MBD5: variants seen among roughly 807,000 people sequenced by gnomAD.
The protein encoded by MBD5 is methyl-CpG-binding domain protein 5.
In MBD5, 13 loss-of-function variants were observed where a neutral mutation model predicts 117.3. The observed-to-expected ratio is 0.11, with a 90% CI of 0.07 to 0.18. The LOEUF (loss-of-function observed/expected upper bound fraction) is 0.18, where lower values mean the gene tolerates loss of function less well. MBD5 is among the 10% of genes least tolerant of loss of function. The pLI is 1.00. For synonymous variants in MBD5, 727 were observed against 766.4 expected (o/e 0.95, Z 0.85); for missense variants, 1,879 against 2,093.8 (o/e 0.90, Z 2.00).
At chr2:148,315,079 A>G (rs1332772321) in intron 3 of MBD5, among the ~76,000 whole-genome samples, 1 of 152,188 alleles carries the variant, frequency 6.6e-6, no homozygotes, top group African/African-American at 2.4e-5. Context: ...GCCTAGTTAA[A>G]AAGAGGACTC....
At chr2:148,398,097 A>G (rs1234768926) in intron 4 of MBD5, among the ~76,000 whole-genome samples, 10 of 152,220 alleles carry the variant, frequency 6.6e-5, no homozygotes, top group African/African-American at 1.9e-4. Flanking sequence ...TATTGTGAAT[A>G]GTGCTGCAAT....
intron 4 of MBD5, among the ~76,000 whole-genome samples, chr2:148,355,796 G>T (rs1360819964): frequency 1.3e-5 from 2 of 152,194 alleles, no homozygotes; most frequent in Non-Finnish European, 2.9e-5. Context: ...ATTTAAAGTA[G>T]TTTTTTCTAA....
At chr2:148,434,383 T>A (rs1318903139) in intron 4 of MBD5, among the ~76,000 whole-genome samples, 1 of 152,144 alleles carries the variant, frequency 6.6e-6, no homozygotes, top group Non-Finnish European at 1.5e-5. Context: ...TCAGTTCAGC[T>A]CTGATTTTTG....
At chr2:148,137,131 A>T (rs975760737) in intron 1 of MBD5, among the ~76,000 whole-genome samples, 1 of 152,002 alleles carries the variant, frequency 6.6e-6, no homozygotes, top group African/African-American at 2.4e-5. Flanking sequence ...AATTTCCTTT[A>T]TACCCCTTGC....
intron 4 of MBD5, among the ~76,000 whole-genome samples, chr2:148,369,768 T>A (rs1029945405): frequency 6.6e-6 from 1 of 152,196 alleles, no homozygotes; most frequent in African/African-American, 2.4e-5. Context: ...TTACAGTGAC[T>A]AATCTGCCTC....
chr2:148,470,336 A>G lies in MBD5; in HGVS notation c.2393A>G (p.Gln798Arg), dbSNP rs1680753685. The change falls in exon 8 of 14, where the codon CAG (glutamine) becomes CGG (arginine). Residue 798 changes from glutamine to arginine, a missense_variant. Gln to Arg is a conservative substitution (Grantham distance 43, BLOSUM62 1). Around this residue, in one of 4 missense-constraint regions of MBD5, gnomAD observed 1,666 missense variants for 1,792.2 expected, o/e 0.93. Transcript: ENST00000642680. ...QASGNCGMLSQSGMALGNSLH... is the reference protein window; with the variant it reads ...QASGNCGMLSRSGMALGNSLH... The stretch of plus-strand genomic sequence containing the variant: ...AGCGGGAACTGTGGGATGCTCAGTC[A>G]GTCGGGCATGGCTTTAGGAAATTCC... 6.2e-7 allele frequency: 1 copy of G among 1,613,956 alleles called. No individual in the cohort carries two copies. The highest frequency in any genetic ancestry group is 1.1e-5 in the South Asian group (1 of 91,076).
intron 4 of MBD5, among the ~76,000 whole-genome samples, chr2:148,454,197 C>G (rs1706813831): frequency 6.6e-6 from 1 of 151,950 alleles, no homozygotes; most frequent in Non-Finnish European, 1.5e-5. Context: ...GGTAATGATT[C>G]AATATTTAAA....
chr2:148,488,650 C>CG (rs1204227857), intron 10 of MBD5, among the ~76,000 whole-genome samples: 24 of 117,292 alleles, frequency 2.0e-4, no homozygotes, highest in Admixed American at 2.3e-4. Context: ...TTAGATGGTG[C>CG]GGGGGTGGGG....
intron 1 of MBD5, among the ~76,000 whole-genome samples, chr2:148,103,040 G>T (rs11897066): frequency 0.012 from 1,878 of 152,072 alleles, 45 homozygotes; most frequent in African/African-American, 0.043. Context: ...AGAACATATT[G>T]AATTGTCTGT....
intron 2 of MBD5, among the ~76,000 whole-genome samples, chr2:148,211,736 G>A (rs1373669836): frequency 4.6e-5 from 7 of 151,910 alleles, no homozygotes; most frequent in Admixed American, 3.9e-4. Flanking sequence ...GCATGTTCAC[G>A]AGATAAAAAA....
chr2:148,510,274 A>G (rs1324918270), intron 13 of MBD5, 139 bp downstream of exon 13: 1 of 652,356 alleles, frequency 1.5e-6, no homozygotes, highest in Non-Finnish European at 2.7e-6. Context: ...AAAGACAAAT[A>G]TTAGAAAAGA....
At chr2:148,507,928 C>T (rs1179756212) in intron 12 of MBD5, among the ~76,000 whole-genome samples, 1 of 151,950 alleles carries the variant, frequency 6.6e-6, no homozygotes, top group Non-Finnish European at 1.5e-5. Context: ...ATTTTAAACT[C>T]CTAAGATATT....
chr2:148,323,263 G>T (rs567220404), intron 3 of MBD5, among the ~76,000 whole-genome samples: 2 of 152,048 alleles, frequency 1.3e-5, no homozygotes, highest in African/African-American at 4.8e-5. Flanking sequence ...CATTTGGGTT[G>T]GTTCCAAGTC....
intron 12 of MBD5, among the ~76,000 whole-genome samples, chr2:148,508,061 C>T (rs1471226807): frequency 6.6e-6 from 1 of 152,180 alleles, no homozygotes; most frequent in Non-Finnish European, 1.5e-5. Flanking sequence ...GCGATATTGT[C>T]AGGCAACGTG....
intron 3 of MBD5, among the ~76,000 whole-genome samples, chr2:148,251,261 G>A (rs992209117): frequency 2.0e-5 from 3 of 152,064 alleles, no homozygotes; most frequent in Non-Finnish European, 4.4e-5. Flanking sequence ...CATTCGACTC[G>A]AGAAATACTG....
intron 2 of MBD5, among the ~76,000 whole-genome samples, chr2:148,188,137 T>C (rs1335156418): frequency 6.6e-6 from 1 of 152,210 alleles, no homozygotes; most frequent in African/African-American, 2.4e-5. Flanking sequence ...AGATTTTGGA[T>C]TTTTGGATTA....
intron 3 of MBD5, among the ~76,000 whole-genome samples, chr2:148,326,136 G>T (rs1476309398): frequency 1.3e-5 from 2 of 152,098 alleles, no homozygotes; most frequent in Non-Finnish European, 2.9e-5. Context: ...TTCCTTGTAG[G>T]TGAGTGGTTT....
intron 3 of MBD5, among the ~76,000 whole-genome samples, chr2:148,305,280 C>T (rs1003090634): frequency 2.6e-5 from 4 of 152,098 alleles, no homozygotes; most frequent in Admixed American, 2.0e-4. Flanking sequence ...TTCTGTCAAT[C>T]CTCCCTGTTG....
intron 1 of MBD5, among the ~76,000 whole-genome samples, chr2:148,097,623 G>A (rs574765656): frequency 9.8e-5 from 15 of 152,306 alleles, no homozygotes; most frequent in African/African-American, 3.6e-4. Context: ...GTTTTGAAGG[G>A]CCAGTCTTGT....
Sources: allele counts gnomAD v4.1 joint callset (sites outside exome capture counted in the v4.1 genomes callset), GRCh38; gene constraint gnomAD v4.1.1; regional missense constraint gnomAD v4.1.1; transcripts MANE v1.5; gene names NCBI Gene and HGNC (gene_info 2026-07-23, HGNC 2026-07-21).